Variants in FUT8 observed in about 807,000 individuals in gnomAD.
The protein encoded by FUT8 is fucosyltransferase 8, also known as alpha-(1,6)-fucosyltransferase.
Under a neutral mutation model 71.3 loss-of-function variants are expected in FUT8, and 29 were observed. That is an observed-to-expected ratio of 0.41 (90% CI 0.30 to 0.55). The LOEUF (loss-of-function observed/expected upper bound fraction) is 0.55, where lower values mean the gene tolerates loss of function less well. FUT8 is among the 20% of genes least tolerant of loss of function. The pLI, the probability that FUT8 is intolerant of heterozygous loss-of-function variation, is 0.34. For synonymous variants in FUT8, 254 were observed against 239.3 expected, an observed-to-expected ratio of 1.06 and a Z score of -0.57; for missense variants, 544 against 702.1, an observed-to-expected ratio of 0.77 and a Z score of 2.55.
intron 1 of FUT8, among the ~76,000 whole-genome samples, chr14:65,437,851 G>C (rs2065584765): frequency 6.6e-6 from 1 of 152,142 alleles, no homozygotes; most frequent in Admixed American, 6.5e-5. Flanking sequence ...AGTTTAGCCT[G>C]AGTTTCTGGA....
intron 1 of FUT8, among the ~76,000 whole-genome samples, chr14:65,431,651 T>C (rs2065477997): frequency 2.0e-5 from 2 of 99,822 alleles, no homozygotes; most frequent in African/African-American, 4.0e-5. Flanking sequence ...TCTTAGACTT[T>C]GTAGGTTCAC....
intron 7 of FUT8, among the ~76,000 whole-genome samples, chr14:65,714,725 C>T (rs901190686): frequency 6.6e-5 from 10 of 151,922 alleles, no homozygotes; most frequent in African/African-American, 1.2e-4. Context: ...CATGGAATAC[C>T]TTTCCTTTTT....
intron 2 of FUT8, among the ~76,000 whole-genome samples, chr14:65,553,060 A>T (rs1885378967): frequency 6.6e-6 from 1 of 152,100 alleles, no homozygotes; most frequent in South Asian, 2.1e-4. Flanking sequence ...GGCTCAAGTG[A>T]TCCTCCCACC....
chr14:65,737,440 T>C (rs562771102), intron 10 of FUT8, among the ~76,000 whole-genome samples: 2 of 152,136 alleles, frequency 1.3e-5, no homozygotes, highest in Non-Finnish European at 2.9e-5. Context: ...AATACATTAA[T>C]CCTATTCTGT....
intron 7 of FUT8, among the ~76,000 whole-genome samples, chr14:65,720,709 C>T (rs118093114): frequency 0.012 from 1,837 of 152,250 alleles, 16 homozygotes; most frequent in Non-Finnish European, 0.02. Flanking sequence ...GTTCTTGTGG[C>T]CTAGACTGCC....
At chr14:65,598,454 C>T (rs992311577) in intron 3 of FUT8, among the ~76,000 whole-genome samples, 9 of 152,164 alleles carry the variant, frequency 5.9e-5, no homozygotes, top group Non-Finnish European at 1.2e-4. Flanking sequence ...AACTCCTGAC[C>T]TTGTGATCCA....
chr14:65,587,149 A>G (rs1474874003), intron 3 of FUT8, among the ~76,000 whole-genome samples: 12 of 151,476 alleles, frequency 7.9e-5, no homozygotes, highest in Non-Finnish European at 1.6e-4. Flanking sequence ...AAATCGTGCC[A>G]CTGCACTCCA....
chr14:65,686,213 C>T (rs764608823), intron 7 of FUT8, among the ~76,000 whole-genome samples: 10 of 152,314 alleles, frequency 6.6e-5, no homozygotes, highest in Middle Eastern at 3.4e-3. Flanking sequence ...TAACCACCAG[C>T]TTGGCCTTTT....
intron 1 of FUT8, among the ~76,000 whole-genome samples, chr14:65,433,960 A>G (rs2065516204): frequency 6.6e-6 from 1 of 152,168 alleles, no homozygotes; most frequent in Admixed American, 6.5e-5. Flanking sequence ...CACCAGGCTC[A>G]GCTATTTCTA....
intron 2 of FUT8, among the ~76,000 whole-genome samples, chr14:65,535,395 C>T (rs530327450): frequency 1.3e-5 from 2 of 152,244 alleles, no homozygotes; most frequent in East Asian, 3.9e-4. Context: ...GGCACTGTGC[C>T]CAGCTCTTTC....
At chr14:65,630,823 T>C (rs765167107) in intron 6 of FUT8, among the ~76,000 whole-genome samples, 12 of 152,204 alleles carry the variant, frequency 7.9e-5, no homozygotes, top group Non-Finnish European at 1.6e-4. Context: ...AATCTCAAAA[T>C]GTTTGAAGTT....
chr14:65,578,683 T>G (rs1886919802), intron 3 of FUT8, among the ~76,000 whole-genome samples: 1 of 152,150 alleles, frequency 6.6e-6, no homozygotes. Flanking sequence ...GATAACATAA[T>G]GAAATAAAAT....
chr14:65,372,920 A>T, the FUT8 span, among the ~76,000 whole-genome samples: 978 of 152,138 alleles, frequency 6.4e-3, 13 homozygotes, highest in East Asian at 0.034. Context: ...CTAGCTTTCT[A>T]TTCCTGTATG....
chr14:65,587,488 A>T (rs1413289584), intron 3 of FUT8, among the ~76,000 whole-genome samples: 1 of 152,230 alleles, frequency 6.6e-6, no homozygotes, highest in African/African-American at 2.4e-5. Context: ...ATGTAGCCAC[A>T]GTGTGTCACA....
the FUT8 span, among the ~76,000 whole-genome samples, chr14:65,360,050 C>T: frequency 6.6e-6 from 1 of 152,178 alleles, no homozygotes; most frequent in East Asian, 1.9e-4. Flanking sequence ...CCAAGATGAT[C>T]TTGATCTCCT....
intron 2 of FUT8, among the ~76,000 whole-genome samples, chr14:65,530,998 G>T (rs1368190642): frequency 3.4e-5 from 5 of 145,660 alleles, no homozygotes; most frequent in South Asian, 2.3e-4. Flanking sequence ...AAAAAAATTG[G>T]TCTTATATTC....
chr14:65,513,276 A>T (rs1263434595), intron 2 of FUT8, among the ~76,000 whole-genome samples: 1 of 152,180 alleles, frequency 6.6e-6, no homozygotes, highest in Non-Finnish European at 1.5e-5. Flanking sequence ...ATCATTTGGC[A>T]TTTATTAACT....
chr14:65,459,462 T>C (rs912413532), intron 2 of FUT8, among the ~76,000 whole-genome samples: 5 of 152,224 alleles, frequency 3.3e-5, no homozygotes, highest in African/African-American at 1.2e-4. Flanking sequence ...TTGTACCGTT[T>C]AAATGGTAGC....
chr14:65,559,252 A>T (rs555795802), intron 2 of FUT8, among the ~76,000 whole-genome samples: 10 of 152,218 alleles, frequency 6.6e-5, no homozygotes, highest in Non-Finnish European at 1.3e-4. Flanking sequence ...AAAGAAAAAA[A>T]TTGTAATATC....
Sources: allele counts gnomAD v4.1 joint callset (sites outside exome capture counted in the v4.1 genomes callset), GRCh38; gene constraint gnomAD v4.1.1; transcripts MANE v1.5; gene names NCBI Gene and HGNC (gene_info 2026-07-23, HGNC 2026-07-21).